The following XG variants were observed in gnomAD, a reference collection of about 807,000 sequenced individuals.
The protein encoded by XG is Xg glycoprotein (Xg blood group), also known as glycoprotein Xg.
A neutral mutation model predicts 25.7 loss-of-function variants in XG; 24 were observed. The ratio of observed to expected loss-of-function variants is 0.93; its 90% CI spans 0.68 to 1.31. The LOEUF is 1.31. Ranked by LOEUF, XG falls within the 40% of genes most tolerant of loss-of-function variation. XG has a pLI of 0.00. For synonymous variants in XG, 77 were observed against 69.2 expected (o/e 1.11, Z -0.56); for missense variants, 181 against 187.6 (o/e 0.96, Z 0.21).
At position 2,797,340 on chromosome X, in the gene XG, G is replaced by A; in HGVS notation, c.353G>A (p.Gly118Asp). Residue 118 changes from glycine to aspartate, a missense_variant, in exon 7 of 11, where the codon GGC becomes GAC. Gly to Asp is a moderately conservative substitution (Grantham distance 94). Transcript: ENST00000644266. ...GGGGGGYSSYGNSDNTHGRGG... is the reference protein window; with the variant it reads ...GGGGGGYSSYDNSDNTHGRGG... Reference sequence around the variant, plus strand: ...GGCGGCGGTGGCTACTCCAGTTATGGCAACTCCGACAACACGCACGGTACC... The same window carrying A: ...GGCGGCGGTGGCTACTCCAGTTATGACAACTCCGACAACACGCACGGTACC... 1 of 1,209,949 alleles carries A rather than the reference G, an allele frequency of 8.3e-7. No individual in the cohort carries two copies.
Position 2,806,158 on chromosome X carries a change from T to C in XG, c.374-543T>C, listed in dbSNP as rs774905577. Among the ~76,000 whole-genome samples, 12 of 110,159 alleles carry C rather than the reference T, an allele frequency of 1.1e-4. No individual in the cohort carries two copies. The East Asian group carries it at 3.2e-3, about 29-fold the overall frequency. Reference sequence around the variant, plus strand: ...TCTTTTGCCTCAGTCGTCTCCCAAGTAGTAGCTGAGACTACAGGTGCACAT... The same window carrying C: ...TCTTTTGCCTCAGTCGTCTCCCAAGCAGTAGCTGAGACTACAGGTGCACAT... On this transcript the variant is annotated intron_variant, in intron 7 of 10. Transcript: ENST00000644266.
chrX:2,776,357 G>C lies in XG; in HGVS notation c.127+1618G>C, dbSNP rs151235622. Among the ~76,000 whole-genome samples, 976 of 152,198 alleles carry C rather than the reference G, an allele frequency of 6.4e-3. 3 individuals are homozygous for C. Among genetic ancestry groups the C allele is most frequent in the African/African-American group, 0.022 (921 of 41,506 alleles). On this transcript the variant is annotated intron_variant, in intron 3 of 10. Transcript: ENST00000644266. ...AAAGTAAACAGTTCCAGGTGCAGGG[G>C]CTTTAAGACTATTACAAGGTGATAG...
At chrX:2,770,758 C>A (rs1244723229) in intron 2 of XG, among the ~76,000 whole-genome samples, 167 bp downstream of exon 2, 1 of 152,158 alleles carries the variant, frequency 6.6e-6, no homozygotes, top group Non-Finnish European at 1.5e-5. Flanking sequence ...AACCTTTACA[C>A]ACTCTCTAAA....
chrX:2,774,855 C>A, intron 3 of XG, 116 bp downstream of exon 3: 1 of 1,346,832 alleles, frequency 7.4e-7, no homozygotes, highest in Non-Finnish European at 1.1e-6. Context: ...GATGCAACAA[C>A]TGTACCAGAT....
intron 1 of XG, among the ~76,000 whole-genome samples, chrX:2,755,649 C>T (rs2050418131): frequency 6.6e-6 from 1 of 152,148 alleles, no homozygotes; most frequent in Non-Finnish European, 1.5e-5. Flanking sequence ...GCCTCTGACA[C>T]AAGTAGCGCC....
At chrX:2,807,172 A>G (rs1299816523) in intron 8 of XG, among the ~76,000 whole-genome samples, 2 of 112,577 alleles carry the variant, frequency 1.8e-5, no homozygotes, top group African/African-American at 3.2e-5. Flanking sequence ...ATGTTTGTGT[A>G]TGTGCACAGA....
intron 7 of XG, among the ~76,000 whole-genome samples, chrX:2,798,239 A>G (rs896294493): frequency 9.0e-6 from 1 of 111,390 alleles, no homozygotes; most frequent in African/African-American, 3.3e-5. Context: ...CTGAAGCAAA[A>G]TGTCATCACT....
chrX:2,781,287 A>G, intron 3 of XG, among the ~76,000 whole-genome samples: 1 of 151,716 alleles, frequency 6.6e-6, no homozygotes, highest in East Asian at 2.0e-4. Context: ...GGGGGTCTGC[A>G]GAAACTCCCC....
chrX:2,794,689 C>T, intron 6 of XG, 86 bp downstream of exon 6: 1 of 1,060,243 alleles, frequency 9.4e-7, no homozygotes, highest in Non-Finnish European at 1.3e-6. Flanking sequence ...GATGAGAGAG[C>T]TGAGGTTGGG....
At chrX:2,758,223 C>G (rs996005132) in intron 1 of XG, among the ~76,000 whole-genome samples, 6 of 152,034 alleles carry the variant, frequency 3.9e-5, no homozygotes, top group African/African-American at 1.5e-4. Flanking sequence ...CCATTGTCAC[C>G]TGGAGCGTGT....
intron 7 of XG, among the ~76,000 whole-genome samples, chrX:2,802,999 C>T (rs757398268): frequency 9.0e-6 from 1 of 111,460 alleles, no homozygotes; most frequent in East Asian, 2.8e-4. Context: ...GCTACAGGCA[C>T]GATGCAGTCG....
At chrX:2,778,442 G>A (rs1230091495) in intron 3 of XG, among the ~76,000 whole-genome samples, 7 of 152,120 alleles carry the variant, frequency 4.6e-5, no homozygotes, top group Non-Finnish European at 8.8e-5. Context: ...TTACTCAGGA[G>A]GCTGAGGTGG....
intron 3 of XG, among the ~76,000 whole-genome samples, chrX:2,777,420 G>T (rs2051023329): frequency 6.6e-6 from 1 of 151,926 alleles, no homozygotes; most frequent in Non-Finnish European, 1.5e-5. Context: ...CAAAAAAAAT[G>T]AAGAGTAAAA....
At chrX:2,770,035 T>TG (rs2050782198) in intron 1 of XG, among the ~76,000 whole-genome samples, 4 of 116,224 alleles carry the variant, frequency 3.4e-5, no homozygotes, top group African/African-American at 6.0e-5. Context: ...GGGGGGGGCG[T>TG]TGGGGGGCGG....
rs747268868 is a variant in XG, at chrX:2,811,412, T to C, written c.531T>C (p.Tyr177=). Residue 177 remains tyrosine, a synonymous_variant, in exon 10 of 11, where the codon TAT becomes TAC. Coordinates refer to ENST00000644266, the MANE Select transcript of XG (RefSeq NM_001141919.2). ...CACTGCTGGGAGCAGCAGCCAGTTA[T>C]TTCAAACTAAACAATAGGAGAAATT... ...VVTLLGAAAS[Y]FKLNNRRNCF... 5 of 1,206,621 alleles carry C rather than the reference T, an allele frequency of 4.1e-6. No individual in the cohort carries two copies. Among genetic ancestry groups the C allele is most frequent in the Non-Finnish European group, 5.6e-6 (5 of 892,851 alleles).
chrX:2,806,340 T>C (rs370023222), intron 7 of XG, among the ~76,000 whole-genome samples: 2 of 111,109 alleles, frequency 1.8e-5, no homozygotes, highest in East Asian at 5.6e-4. Flanking sequence ...GGAGGAACTC[T>C]TTTTTTTTAA....
intron 1 of XG, among the ~76,000 whole-genome samples, chrX:2,762,119 A>G (rs1326247337): frequency 1.3e-5 from 2 of 152,172 alleles, no homozygotes; most frequent in African/African-American, 4.8e-5. Context: ...ACACACCGTC[A>G]ACCAGTGCCT....
intron 3 of XG, among the ~76,000 whole-genome samples, chrX:2,778,775 CTTT>C (rs1177625639): frequency 2.9e-5 from 4 of 140,128 alleles, no homozygotes; most frequent in South Asian, 2.3e-4. Context: ...TCATGCGATA[CTTT>C]TTTTTTTTTT....
At chrX:2,779,318 AGAGT>A (rs1228498230) in intron 3 of XG, among the ~76,000 whole-genome samples, 2 of 137,274 alleles carry the variant, frequency 1.5e-5, no homozygotes, top group East Asian at 2.0e-4. Context: ...CTGAGGCTAC[AGAGT>A]GAGAGTATAA....
Sources: gnomAD v4.1 joint callset for allele counts (sites outside exome capture counted in the v4.1 genomes callset) on GRCh38, gnomAD v4.1.1 for gene constraint, MANE v1.5 for transcripts, NCBI Gene and HGNC (gene_info 2026-07-23, HGNC 2026-07-21) for gene names.